Variants in DENND2B observed in about 807,000 individuals in gnomAD.
DENND2B encodes the protein DENN domain containing 2B, also known as DENN domain-containing protein 2B.
In DENND2B, 32 loss-of-function variants were observed where a neutral mutation model predicts 116.0. The observed-to-expected ratio is 0.28, with a 90% confidence interval of 0.21 to 0.37. The LOEUF is 0.37. Ranked by LOEUF, DENND2B falls within the 10% of genes least tolerant of loss-of-function variation. The pLI, the probability that DENND2B is intolerant of heterozygous loss-of-function variation, is 1.00. For missense variants in DENND2B, 1,276 were observed against 1,477.7 expected (o/e 0.86, Z 2.24); for synonymous variants, 588 against 583.9 (o/e 1.01, Z -0.10).
At chr11:8,721,858 G>A (rs1470179592) in intron 4 of DENND2B, among the ~76,000 whole-genome samples, 1 of 152,242 alleles carries the variant, frequency 6.6e-6, no homozygotes, top group African/African-American at 2.4e-5. Context: ...CCGGTCCCCG[G>A]CTTGCATCCC....
intron 5 of DENND2B, 86 bp downstream of exon 5, chr11:8,717,655 T>C (rs1212559549): frequency 2.1e-6 from 3 of 1,451,932 alleles, no homozygotes; most frequent in Middle Eastern, 2.6e-4. Flanking sequence ...AAAGCCTGAG[T>C]GGAAGCTGGG....
At chr11:8,852,414 T>C (rs1462470422) in intron 3 of DENND2B, among the ~76,000 whole-genome samples, 20 of 152,166 alleles carry the variant, frequency 1.3e-4, no homozygotes, top group Admixed American at 1.3e-3. Context: ...GGAAGATGGC[T>C]TGAGACCAAG....
chr11:8,845,775 A>T (rs559443689), intron 3 of DENND2B, among the ~76,000 whole-genome samples: 1 of 152,344 alleles, frequency 6.6e-6, no homozygotes, highest in East Asian at 1.9e-4. Context: ...GAAGACTACT[A>T]GCTTATCTGC....
In DENND2B at chr11:8,699,197, TC is replaced by T; in HGVS notation, c.2898+15del. ...CCCTCCACCCTTCCCCCCAGCTGGT[TC>T]CCCCGGTGGCCCACCTCCTCCACAG... On this transcript the variant is annotated intron_variant, in intron 15 of 19. Transcript: ENST00000313726. 6.5e-7 allele frequency: 1 copy of T among 1,544,148 alleles called. No individual in the cohort carries two copies. The highest frequency in any genetic ancestry group is 8.7e-7 in the Non-Finnish European group (1 of 1,150,884).
chr11:8,746,516 C>T (rs966537103), intron 2 of DENND2B, among the ~76,000 whole-genome samples: 18 of 152,180 alleles, frequency 1.2e-4, no homozygotes, highest in African/African-American at 3.9e-4. Context: ...ACACAAATAT[C>T]CACTTTATGA....
intron 1 of DENND2B, among the ~76,000 whole-genome samples, chr11:8,902,063 C>T (rs2064177038): frequency 6.6e-6 from 1 of 152,128 alleles, no homozygotes; most frequent in East Asian, 1.9e-4. Flanking sequence ...CACGGTGGCT[C>T]ATGCCTGTAA....
At chr11:8,812,615 C>T (rs892586461), upstream of DENND2B, among the ~76,000 whole-genome samples, 1 of 152,130 alleles carries the variant, frequency 6.6e-6, no homozygotes, top group African/African-American at 2.4e-5. Flanking sequence ...GTGGTTGCAA[C>T]AGCACCAGGG....
At chr11:8,718,979 C>G (rs1177281065) in intron 4 of DENND2B, 29 of 987,052 alleles carry the variant, frequency 2.9e-5, no homozygotes, top group Non-Finnish European at 3.5e-5. Flanking sequence ...TCTCTGCACC[C>G]CTTTCCCTAT....
intron 3 of DENND2B, among the ~76,000 whole-genome samples, chr11:8,845,610 A>T (rs1264541372): frequency 6.6e-6 from 1 of 152,194 alleles, no homozygotes; most frequent in Non-Finnish European, 1.5e-5. Flanking sequence ...ACAAACAGCA[A>T]GACTCCAGAT....
At chr11:8,722,941 C>G (rs1230864378) in intron 4 of DENND2B, among the ~76,000 whole-genome samples, 1 of 152,162 alleles carries the variant, frequency 6.6e-6, no homozygotes, top group Non-Finnish European at 1.5e-5. Context: ...TACCTTCTGC[C>G]CACACAGCGC....
intron 2 of DENND2B, among the ~76,000 whole-genome samples, chr11:8,869,255 G>A (rs1014754607): frequency 6.6e-6 from 1 of 152,188 alleles, no homozygotes; most frequent in Non-Finnish European, 1.5e-5. Flanking sequence ...AGTTGCCTTG[G>A]AGTTGTCTAC....
intron 1 of DENND2B, among the ~76,000 whole-genome samples, chr11:8,782,965 A>G (rs1245061756): frequency 2.6e-5 from 4 of 151,476 alleles, no homozygotes; most frequent in African/African-American, 9.7e-5. Context: ...TTCCATTTTT[A>G]GAAACTTCTA....
At chr11:8,867,547 T>C (rs1329838378) in intron 2 of DENND2B, among the ~76,000 whole-genome samples, 1 of 150,882 alleles carries the variant, frequency 6.6e-6, no homozygotes, top group East Asian at 1.9e-4. Context: ...ACTTTTACCT[T>C]ACTAGTACCA....
intron 3 of DENND2B, 129 bp from the exon 4 acceptor site, chr11:8,726,338 G>C (rs1017387570): frequency 3.6e-5 from 46 of 1,279,630 alleles, no homozygotes; most frequent in Non-Finnish European, 4.4e-5. Flanking sequence ...GAGCATCAAG[G>C]TGGGTCCAAA....
At chr11:8,869,600 T>C (rs369198729) in intron 2 of DENND2B, among the ~76,000 whole-genome samples, 161 of 151,338 alleles carry the variant, frequency 1.1e-3, no homozygotes, top group South Asian at 4.8e-3. Flanking sequence ...AGGCGGGGGT[T>C]GCAGTGAGCC....
At chr11:8,744,132 G>GTTT (rs376495586) in intron 2 of DENND2B, among the ~76,000 whole-genome samples, 4 of 136,922 alleles carry the variant, frequency 2.9e-5, no homozygotes, top group Non-Finnish European at 3.2e-5. Flanking sequence ...AACCCATGAA[G>GTTT]TTTTTTTTTT....
chr11:8,793,161 C>T (rs1463739741), intron 1 of DENND2B, among the ~76,000 whole-genome samples: 1 of 152,168 alleles, frequency 6.6e-6, no homozygotes, highest in Non-Finnish European at 1.5e-5. Flanking sequence ...ATATGTTTTT[C>T]AGTACAGTAT....
chr11:8,904,996 C>T (rs2064217526), intron 1 of DENND2B, among the ~76,000 whole-genome samples: 1 of 151,978 alleles, frequency 6.6e-6, no homozygotes, highest in Non-Finnish European at 1.5e-5. Flanking sequence ...TCTGTGAATT[C>T]AATATAATCT....
At chr11:8,801,803 C>T (rs762749575) in intron 1 of DENND2B, among the ~76,000 whole-genome samples, 14 of 149,878 alleles carry the variant, frequency 9.3e-5, no homozygotes, top group Admixed American at 2.7e-4. Flanking sequence ...CAGTTCGAGA[C>T]CAGCCTGGGC....
Sources: gnomAD v4.1 joint callset for allele counts (sites outside exome capture counted in the v4.1 genomes callset) on GRCh38, gnomAD v4.1.1 for gene constraint, MANE v1.5 for transcripts, NCBI Gene and HGNC (gene_info 2026-07-23, HGNC 2026-07-21) for gene names.